Variants in NFIA observed in about 807,000 individuals in gnomAD.
The protein encoded by NFIA is nuclear factor 1 A-type.
NFIA carries 8 observed loss-of-function variants against 62.8 expected under a neutral mutation model. That is an observed-to-expected ratio of 0.13 (90% CI 0.07 to 0.23). The LOEUF (loss-of-function observed/expected upper bound fraction) is 0.23, where lower values mean the gene tolerates loss of function less well. Ranked by LOEUF, NFIA falls within the 10% of genes least tolerant of loss-of-function variation. The probability of loss-of-function intolerance (pLI) is 1.00; values close to 1 mark genes in which losing one functional copy is unlikely to be tolerated. For synonymous variants in NFIA, 235 were observed against 238.1 expected, an observed-to-expected ratio of 0.99 and a Z score of 0.12; for missense variants, 410 against 642.1, an observed-to-expected ratio of 0.64 and a Z score of 3.91.
intron 2 of NFIA, among the ~76,000 whole-genome samples, chr1:61,175,023 TA>T (rs780334391): frequency 2.0e-4 from 30 of 150,754 alleles, no homozygotes; most frequent in Admixed American, 1.5e-3. Context: ...GTATAGGATT[TA>T]AAAAAAAACA....
intron 2 of NFIA, among the ~76,000 whole-genome samples, chr1:61,168,115 C>G (rs1241854927): frequency 2.0e-5 from 3 of 151,986 alleles, no homozygotes; most frequent in African/African-American, 7.2e-5. Context: ...CATTTTTAAG[C>G]CAAGTTTAGC....
chr1:61,333,486 CAT>C (rs1661418982), intron 4 of NFIA, among the ~76,000 whole-genome samples: 1 of 152,146 alleles, frequency 6.6e-6, no homozygotes, highest in East Asian at 1.9e-4. Context: ...TTTAGCCACT[CAT>C]AGGCTAGGAG....
chr1:61,302,596 T>G (rs1327278411), intron 3 of NFIA, among the ~76,000 whole-genome samples: 2 of 152,202 alleles, frequency 1.3e-5, no homozygotes, highest in African/African-American at 2.4e-5. Context: ...TCGTCCATAG[T>G]AACAATTATA....
intron 9 of NFIA, among the ~76,000 whole-genome samples, chr1:61,423,323 A>G (rs577486781): frequency 6.6e-6 from 1 of 151,856 alleles, no homozygotes; most frequent in African/African-American, 2.4e-5. Flanking sequence ...CATGTTTGCC[A>G]TAAGGATTCT....
intron 2 of NFIA, among the ~76,000 whole-genome samples, chr1:61,234,032 G>A (rs1654833095): frequency 6.6e-6 from 1 of 152,176 alleles, no homozygotes; most frequent in Admixed American, 6.5e-5. Flanking sequence ...AGAAGGGGAA[G>A]TGAGAGAATG....
intron 2 of NFIA, among the ~76,000 whole-genome samples, chr1:61,272,598 C>T (rs437021): frequency 0.37 from 55,638 of 152,050 alleles, 12,170 homozygotes; most frequent in Admixed American, 0.49. Flanking sequence ...CTGCAGAGTA[C>T]TTATCTTCCC....
chr1:61,217,533 A>G (rs1222391233), intron 2 of NFIA, among the ~76,000 whole-genome samples: 1 of 152,204 alleles, frequency 6.6e-6, no homozygotes, highest in Non-Finnish European at 1.5e-5. Flanking sequence ...CTGCTCAGAA[A>G]CATGAGTTTT....
chr1:61,352,149 G>GT (rs1176262763), intron 4 of NFIA, among the ~76,000 whole-genome samples: 1 of 152,192 alleles, frequency 6.6e-6, no homozygotes, highest in East Asian at 1.9e-4. Flanking sequence ...CCAGAAAAGT[G>GT]TAAGACCAAA....
chr1:61,368,984 T>G (rs1238404547), intron 6 of NFIA, among the ~76,000 whole-genome samples: 3 of 152,158 alleles, frequency 2.0e-5, no homozygotes, highest in Non-Finnish European at 4.4e-5. Flanking sequence ...ATAGATAAGA[T>G]GTAGAGCACA....
In NFIA at chr1:61,279,326, T is replaced by C. The variant is rs908471938; in HGVS notation, c.625+1741T>C. On this transcript the variant is annotated intron_variant, in intron 3 of 10. Coordinates refer to ENST00000403491, the MANE Select transcript of NFIA (RefSeq NM_001134673.4). The stretch of plus-strand genomic sequence containing the variant: ...ATTCTAGCATTAAATATGGACTGCC[T>C]GGCAATTCCTCTCCTCATCCTGGTA... Among the ~76,000 whole-genome samples, 7 of 152,222 alleles carry C rather than the reference T, an allele frequency of 4.6e-5. No individual in the cohort carries two copies. In the East Asian group the frequency reaches 1.4e-3, roughly 29 times the overall value.
At chr1:61,086,534 G>A (rs1360271864) in intron 1 of NFIA, among the ~76,000 whole-genome samples, 9 of 151,900 alleles carry the variant, frequency 5.9e-5, no homozygotes, top group Admixed American at 5.9e-4. Context: ...CTTCTCTTTT[G>A]GATTCTTTTA....
intron 2 of NFIA, among the ~76,000 whole-genome samples, chr1:61,106,723 T>G (rs927575166): frequency 6.6e-6 from 1 of 151,660 alleles, no homozygotes; most frequent in African/African-American, 2.4e-5. Flanking sequence ...TAGTATGAAC[T>G]GAAAATCTGT....
intron 2 of NFIA, among the ~76,000 whole-genome samples, chr1:61,129,364 C>T (rs1242581742): frequency 2.0e-5 from 3 of 151,988 alleles, no homozygotes; most frequent in Admixed American, 6.6e-5. Context: ...CACATAAATC[C>T]ACACAACCTT....
intron 3 of NFIA, among the ~76,000 whole-genome samples, chr1:61,313,747 A>G (rs1170681009): frequency 6.6e-6 from 1 of 152,246 alleles, no homozygotes; most frequent in Admixed American, 6.5e-5. Flanking sequence ...TTGTATGTAC[A>G]CATTGATTAC....
chr1:61,163,682 G>A (rs541565116), intron 2 of NFIA, among the ~76,000 whole-genome samples: 1 of 152,304 alleles, frequency 6.6e-6, no homozygotes, highest in Admixed American at 6.5e-5. Context: ...GTGAGACTGT[G>A]ACTATTATGC....
intron 10 of NFIA, among the ~76,000 whole-genome samples, chr1:61,447,792 G>A (rs1291728483): frequency 6.6e-6 from 1 of 152,256 alleles, no homozygotes; most frequent in Non-Finnish European, 1.5e-5. Flanking sequence ...TTGAACTGCC[G>A]TGTCCACGGG....
chr1:61,192,805 A>G (rs1351777919), intron 2 of NFIA, among the ~76,000 whole-genome samples: 2 of 152,096 alleles, frequency 1.3e-5, no homozygotes, highest in Non-Finnish European at 2.9e-5. Context: ...ACCAAGTGGG[A>G]GGTGGTTTGG....
intron 2 of NFIA, among the ~76,000 whole-genome samples, chr1:61,240,559 A>G (rs988268867): frequency 7.9e-5 from 12 of 152,072 alleles, no homozygotes; most frequent in Non-Finnish European, 1.5e-5. Context: ...CCATACTGAC[A>G]TGATATTAAA....
chr1:61,151,805 T>C (rs2100521972), intron 2 of NFIA, among the ~76,000 whole-genome samples: 1 of 152,134 alleles, frequency 6.6e-6, no homozygotes, highest in South Asian at 2.1e-4. Context: ...GAGTGATGAG[T>C]TAGACCACCC....
Sources: allele counts gnomAD v4.1 joint callset (sites outside exome capture counted in the v4.1 genomes callset), GRCh38; gene constraint gnomAD v4.1.1; transcripts MANE v1.5; gene names NCBI Gene and HGNC (gene_info 2026-07-23, HGNC 2026-07-21).